The following DNAH12 variants were observed in gnomAD, a reference collection of about 807,000 sequenced individuals.
DNAH12 encodes axonemal beta dynein heavy chain 12.
A neutral mutation model predicts 371.5 loss-of-function variants in DNAH12; 285 were observed. That is an observed-to-expected ratio of 0.77 (90% CI 0.70 to 0.85). The LOEUF (loss-of-function observed/expected upper bound fraction) is 0.85, where lower values mean the gene tolerates loss of function less well. Among genes scored for constraint, DNAH12 ranks in the 40% least tolerant of loss-of-function variants. The probability of loss-of-function intolerance (pLI) is 0.00; values close to 1 mark genes in which losing one functional copy is unlikely to be tolerated. For missense variants in DNAH12, 3,611 were observed against 3,689.4 expected (o/e 0.98, Z 0.55); for synonymous variants, 1,200 against 1,213.0 (o/e 0.99, Z 0.22).
intron 23 of DNAH12, among the ~76,000 whole-genome samples, chr3:57,454,226 A>T (rs1383668728): frequency 6.6e-6 from 1 of 152,138 alleles, no homozygotes; most frequent in Non-Finnish European, 1.5e-5. Context: ...CATGCCTCTA[A>T]TCCCAGCACT....
chr3:57,448,883 C>T (rs1352927032), intron 25 of DNAH12, among the ~76,000 whole-genome samples: 4 of 149,014 alleles, frequency 2.7e-5, no homozygotes, highest in African/African-American at 7.4e-5. Context: ...ACACAGGGTG[C>T]TGATTGGTGT....
In DNAH12 at chr3:57,519,868, T is replaced by C. The variant is rs2068344386; in HGVS notation, c.279+3715A>G. ...CTGGACTCTGCAGATGGCGCACATA[T>C]CTCACTCCACGGCCCAGCTCCACAT... On this transcript the variant is annotated intron_variant, in intron 4 of 73. Transcript: ENST00000495027. 6 of 972,154 alleles carry C rather than the reference T, an allele frequency of 6.2e-6. No individual in the cohort carries two copies. In the South Asian group the frequency reaches 6.4e-5, roughly 10 times the overall value. 60.2% of individuals were successfully genotyped at this position (972,154 alleles called of 1,614,324 possible). A position where few individuals can be genotyped will look rare whatever the true frequency, so the allele number is the denominator to read the frequency against.
intron 19 of DNAH12, 147 bp downstream of exon 19, chr3:57,461,342 G>T: frequency 9.9e-6 from 6 of 605,250 alleles, no homozygotes; most frequent in South Asian, 6.1e-5. Flanking sequence ...TGTATTTTAT[G>T]AAATAAAATA....
intron 4 of DNAH12, chr3:57,519,921 G>A: frequency 1.1e-6 from 1 of 936,798 alleles, no homozygotes; most frequent in South Asian, 1.3e-5. Flanking sequence ...TCTTGAGCTA[G>A]AACATCTTGT....
intron 60 of DNAH12, among the ~76,000 whole-genome samples, chr3:57,350,409 T>C (rs72877696): frequency 0.096 from 14,646 of 152,200 alleles, 2,309 homozygotes; most frequent in African/African-American, 0.33. Flanking sequence ...ATGTATTATT[T>C]ATGGCAAGGA....
chr3:57,359,661 C>T (rs1448341072), intron 58 of DNAH12, among the ~76,000 whole-genome samples: 2 of 150,798 alleles, frequency 1.3e-5, no homozygotes, highest in Non-Finnish European at 3.0e-5. Context: ...TTTTTCTGGT[C>T]TGTGATATTT....
At chr3:57,357,528 G>GGGGATGAAGGAAAGAACTA (rs1172191657) in intron 58 of DNAH12, among the ~76,000 whole-genome samples, 180 bp from the exon 59 acceptor site, 1 of 152,046 alleles carries the variant, frequency 6.6e-6, no homozygotes, top group Admixed American at 6.5e-5. Flanking sequence ...GAAAACAAAA[G>GGGGATGAAGGAAAGAACTA]GGGATGAAGG....
chr3:57,449,785 G>A (rs1481572632), intron 25 of DNAH12, among the ~76,000 whole-genome samples: 3 of 152,210 alleles, frequency 2.0e-5, no homozygotes, highest in Non-Finnish European at 2.9e-5. Context: ...AGCCCAGAAA[G>A]GGGCTCCCAC....
At chr3:57,422,647 T>G (rs1448448551) in intron 35 of DNAH12, among the ~76,000 whole-genome samples, 1 of 152,036 alleles carries the variant, frequency 6.6e-6, no homozygotes, top group Non-Finnish European at 1.5e-5. Flanking sequence ...TACAAAATAT[T>G]TTTTAAAACA....
chr3:57,516,165 G>C (rs867839667), intron 4 of DNAH12, among the ~76,000 whole-genome samples: 2 of 139,770 alleles, frequency 1.4e-5, no homozygotes, highest in African/African-American at 5.3e-5. Context: ...TTGGGTTCAA[G>C]TGATGTTCCT....
chr3:57,384,445 T>G (rs1047914167), intron 49 of DNAH12, among the ~76,000 whole-genome samples: 7 of 152,060 alleles, frequency 4.6e-5, no homozygotes, highest in African/African-American at 1.7e-4. Context: ...GAGACCAACC[T>G]GGGCAACATA....
chr3:57,502,971 C>A (rs767091111), intron 9 of DNAH12, among the ~76,000 whole-genome samples: 1 of 152,146 alleles, frequency 6.6e-6, no homozygotes, highest in African/African-American at 2.4e-5. Flanking sequence ...TGAGCCATTG[C>A]GCCTGGCCTA....
chr3:57,311,446 G>A (rs746080917), intron 66 of DNAH12, among the ~76,000 whole-genome samples: 5 of 152,160 alleles, frequency 3.3e-5, no homozygotes, highest in Admixed American at 2.0e-4. Context: ...TATTGCTTCT[G>A]TAATGAGAAA....
In DNAH12 at chr3:57,394,226, T is replaced by A. The variant is rs2063691611; in HGVS notation, c.7055A>T (p.Asn2352Ile). The change falls in exon 44 of 74, where the codon AAT becomes ATT. Residue 2352 changes from asparagine to isoleucine, a missense_variant. Around this residue, in one of 3 missense-constraint regions of DNAH12, gnomAD observed 2,266 missense variants for 2,236.9 expected, o/e 1.01. Coordinates refer to ENST00000495027, the MANE Select transcript of DNAH12 (RefSeq NM_001366028.2). ...AAAAATGTTAGGCACTTCTCCTGTA[T>A]TGAGCACACTGTCGATATCCTCTAG... is the stretch of plus-strand genomic sequence containing the variant. ...AFLEDIDSVL[N>I]TGEVPNIFAA... 1 of 152,230 alleles carries A rather than the reference T, an allele frequency of 6.6e-6. No individual in the cohort carries two copies. The highest frequency in any genetic ancestry group is 1.5e-5 in the Non-Finnish European group (1 of 68,036). 9.4% of individuals were successfully genotyped at this position (152,230 alleles called of 1,614,324 possible). A position where few individuals can be genotyped will look rare whatever the true frequency, so the allele number is the denominator to read the frequency against.
intron 65 of DNAH12, among the ~76,000 whole-genome samples, chr3:57,319,290 A>C (rs756213483): frequency 6.6e-6 from 1 of 152,124 alleles, no homozygotes; most frequent in Admixed American, 6.6e-5. Context: ...GTGGTTTTCT[A>C]TATACATAAG....
chr3:57,326,092 T>G (rs13080525), intron 62 of DNAH12, among the ~76,000 whole-genome samples: 1 of 151,582 alleles, frequency 6.6e-6, no homozygotes, highest in South Asian at 2.1e-4. Context: ...ATTGGTGTAC[T>G]TGAAAGTGAC....
At chr3:57,524,196 G>C (rs547298464) in intron 2 of DNAH12, among the ~76,000 whole-genome samples, 1 of 152,016 alleles carries the variant, frequency 6.6e-6, no homozygotes, top group Non-Finnish European at 1.5e-5. Flanking sequence ...AATGTCTGCC[G>C]GTCTGTCAGA....
At position 57,415,414 on chromosome 3, in the gene DNAH12, C is replaced by T; in HGVS notation, c.5853+12G>A. 1.3e-6 allele frequency: 2 copies of T among 1,546,096 alleles called. No individual in the cohort carries two copies. Among genetic ancestry groups the T allele is most frequent in the Non-Finnish European group, 1.7e-6 (2 of 1,145,838 alleles). On this transcript the variant is annotated intron_variant, in intron 38 of 73. Coordinates refer to ENST00000495027, the MANE Select transcript of DNAH12 (RefSeq NM_001366028.2). ...ATTAACGATAGACCCCCATTTCTGT[C>T]TTTAAACTAACCTGAACCTGATTGG...
At chr3:57,551,378 T>C in the DNAH12 span, among the ~76,000 whole-genome samples, 1 of 151,940 alleles carries the variant, frequency 6.6e-6, no homozygotes, top group Non-Finnish European at 1.5e-5. Context: ...TTCACACCAT[T>C]CTCCTGCCTC....
Sources: gnomAD v4.1 joint callset for allele counts (sites outside exome capture counted in the v4.1 genomes callset) on GRCh38, gnomAD v4.1.1 for gene constraint, gnomAD v4.1.1 regional missense constraint, MANE v1.5 for transcripts, NCBI Gene and HGNC (gene_info 2026-07-23, HGNC 2026-07-21) for gene names.